The following TRMT1L variants were observed in gnomAD, a reference collection of about 807,000 sequenced individuals.
TRMT1L encodes tRNA methyltransferase 1L.
In TRMT1L, 28 loss-of-function variants were observed where a neutral mutation model predicts 81.6. The observed-to-expected ratio is 0.34, with a 90% CI of 0.25 to 0.47. TRMT1L has a LOEUF of 0.47. Ranked by LOEUF, TRMT1L falls within the 20% of genes least tolerant of loss-of-function variation. The probability of loss-of-function intolerance (pLI) is 1.00; values close to 1 mark genes in which losing one functional copy is unlikely to be tolerated. For missense variants in TRMT1L, 739 were observed against 877.1 expected (o/e 0.84, Z 1.99); for synonymous variants, 301 against 303.2 (o/e 0.99, Z 0.07).
chr1:185,145,134 C>A (rs1223076391), intron 5 of TRMT1L, among the ~76,000 whole-genome samples: 1 of 151,768 alleles, frequency 6.6e-6, no homozygotes, highest in African/African-American at 2.4e-5. Context: ...ACAATACATA[C>A]ATGACAGTTA....
At chr1:185,147,470 A>G (rs1653220814) in intron 3 of TRMT1L, among the ~76,000 whole-genome samples, 1 of 152,140 alleles carries the variant, frequency 6.6e-6, no homozygotes, top group Non-Finnish European at 1.5e-5. Context: ...ATACAGAGGG[A>G]TCCAGGTTTG....
chr1:185,156,706 T>G lies in TRMT1L; in HGVS notation c.7A>C (p.Asn3His). Reference sequence around the variant, plus strand: ...GGCAGCAGCTCCTCCTCCGCCATATTCTCCATAGTTACCGCCTCCGTGCCA... The same window carrying G: ...GGCAGCAGCTCCTCCTCCGCCATATGCTCCATAGTTACCGCCTCCGTGCCA... ME[N>H]MAEEELLPLE... The change falls in exon 1 of 15, where the codon AAT becomes CAT. Residue 3 changes from asparagine (N) to histidine (H), a missense_variant. Physicochemically the swap from Asn to His is moderately conservative, Grantham distance 68. This residue lies in a region of TRMT1L where 209 missense variants were observed against 165.4 expected (regional missense o/e 1.26). Coordinates refer to ENST00000367506, the MANE Select transcript of TRMT1L (RefSeq NM_030934.5). The G allele has an allele frequency of 1.9e-6, 3 of 1,612,406 alleles. No individual in the cohort carries two copies. The highest frequency in any genetic ancestry group is 2.5e-6 in the Non-Finnish European group (3 of 1,179,718).
chr1:185,156,821 C>A lies in TRMT1L; in HGVS notation c.-109G>T. The A allele has an allele frequency of 6.9e-7, 1 of 1,454,854 alleles. No homozygotes were observed. Among genetic ancestry groups the A allele is most frequent in the Non-Finnish European group, 9.2e-7 (1 of 1,084,004 alleles). The allele number at this position is 1,454,854 out of a possible 1,614,324, so 90.1% of individuals were successfully genotyped here. A position where few individuals can be genotyped will look rare whatever the true frequency, so the allele number is the denominator to read the frequency against. On this transcript the variant is annotated 5_prime_UTR_variant, in exon 1 of 15. Transcript: ENST00000367506. ...GGGCTGGATCCAAGGAGTGGGGAAG[C>A]AAGTGGGGAGGGCGGGATGCGTGCA...
chr1:185,134,497 T>A (rs776946553), intron 10 of TRMT1L, among the ~76,000 whole-genome samples: 2 of 152,250 alleles, frequency 1.3e-5, no homozygotes, highest in Non-Finnish European at 2.9e-5. Flanking sequence ...ATTTGACTTT[T>A]TAAACTATGT....
intron 1 of TRMT1L, among the ~76,000 whole-genome samples, chr1:185,154,278 C>G (rs1653436633): frequency 1.3e-5 from 2 of 152,192 alleles, no homozygotes; most frequent in African/African-American, 4.8e-5. Context: ...ACTGCAGCCT[C>G]AAACTCCTGG....
In TRMT1L at chr1:185,145,493, C is replaced by A; in HGVS notation, c.601G>T (p.Gly201Ter). The A allele has an allele frequency of 6.2e-7, 1 of 1,612,032 alleles. No homozygotes were observed. Among genetic ancestry groups the A allele is most frequent in the Non-Finnish European group, 8.5e-7 (1 of 1,178,634 alleles). ...TTATTCATGTGGCGCCTAACATGTC[C>A]TAGCATATCAGTTCTTCTGGTGATT... ...ATITRRTDML[G>*]HVRRHMNKGE... The change falls in exon 5 of 15, where the codon GGA becomes TGA. Residue 201 changes from glycine (G) to a stop codon, truncating the protein, a stop_gained. Coordinates refer to ENST00000367506, the MANE Select transcript of TRMT1L (RefSeq NM_030934.5). LOFTEE classifies it high-confidence loss of function.
At chr1:185,140,796 T>G (rs1653016820) in intron 7 of TRMT1L, among the ~76,000 whole-genome samples, 2 of 151,436 alleles carry the variant, frequency 1.3e-5, no homozygotes, top group South Asian at 2.1e-4. Flanking sequence ...TTGGGCAACA[T>G]AGCAAATCCC....
At position 185,156,921 on chromosome 1, in the gene TRMT1L, T is replaced by C. The variant is rs371491095; in HGVS notation, c.-209A>G. The stretch of plus-strand genomic sequence containing the variant: ...GAAAGCCAGAGGCAGCGATTCCAGA[T>C]GCCCGTCCGCTTCCCTTTCCCCGAG... On this transcript the variant is annotated 5_prime_UTR_variant, in exon 1 of 15. Coordinates refer to ENST00000367506, the MANE Select transcript of TRMT1L (RefSeq NM_030934.5). 6.8e-5 allele frequency: 44 copies of C among 648,936 alleles called. No individual in the cohort carries two copies. Among genetic ancestry groups the C allele is most frequent in the East Asian group, 6.3e-4 (19 of 30,294 alleles). The allele number at this position is 648,936 out of a possible 1,614,324, so 40.2% of individuals were successfully genotyped here.
chr1:185,122,043 G>A (rs1211865091), intron 13 of TRMT1L, among the ~76,000 whole-genome samples: 2 of 152,066 alleles, frequency 1.3e-5, no homozygotes, highest in Non-Finnish European at 1.5e-5. Context: ...TGGGGCTTTG[G>A]TTTTCTGTTC....
chr1:185,126,141 G>C (rs1030365687), intron 11 of TRMT1L, among the ~76,000 whole-genome samples: 1 of 152,146 alleles, frequency 6.6e-6, no homozygotes, highest in Non-Finnish European at 1.5e-5. Flanking sequence ...ATGCTGCCCA[G>C]GCTGAACTTG....
At chr1:185,136,951 C>T (rs1175797102) in intron 10 of TRMT1L, among the ~76,000 whole-genome samples, 1 of 151,784 alleles carries the variant, frequency 6.6e-6, no homozygotes, top group Non-Finnish European at 1.5e-5. Flanking sequence ...ATCCAGACTA[C>T]ATAAACATTC....
Position 185,156,825 on chromosome 1 carries a change from T to C in TRMT1L, c.-113A>G. ...TGGATCCAAGGAGTGGGGAAGCAAG[T>C]GGGGAGGGCGGGATGCGTGCAACAG... On this transcript the variant is annotated 5_prime_UTR_variant, in exon 1 of 15. Coordinates refer to ENST00000367506, the MANE Select transcript of TRMT1L (RefSeq NM_030934.5). The C allele has an allele frequency of 1.4e-6, 2 of 1,429,236 alleles. No homozygotes were observed. The highest frequency in any genetic ancestry group is 2.6e-5 in the South Asian group (2 of 75,876). The allele number at this position is 1,429,236 out of a possible 1,614,324, so 88.5% of individuals were successfully genotyped here. A position where few individuals can be genotyped will look rare whatever the true frequency, so the allele number is the denominator to read the frequency against.
chr1:185,137,443 C>G (rs185346954), intron 10 of TRMT1L, 163 bp downstream of exon 10: 1 of 756,044 alleles, frequency 1.3e-6, no homozygotes, highest in East Asian at 2.7e-5. Flanking sequence ...TAAACTCACA[C>G]GAATGTCTTG....
intron 11 of TRMT1L, among the ~76,000 whole-genome samples, chr1:185,125,997 G>A (rs550639044): frequency 2.6e-5 from 4 of 152,152 alleles, no homozygotes; most frequent in African/African-American, 9.7e-5. Flanking sequence ...AATCTGATAT[G>A]CTTCCCATTT....
Position 185,120,194 on chromosome 1 carries a change from C to T in TRMT1L, c.2027G>A (p.Arg676His), listed in dbSNP as rs764389177. 7 of 1,612,930 alleles carry T rather than the reference C, an allele frequency of 4.3e-6. No individual in the cohort carries two copies. Among genetic ancestry groups the T allele is most frequent in the Non-Finnish European group, 5.9e-6 (7 of 1,179,192 alleles). The change falls in exon 15 of 15, where the codon CGC becomes CAC. Residue 676 changes from arginine to histidine, a missense_variant. Physicochemically the swap from Arg to His is conservative, Grantham distance 29. Coordinates refer to ENST00000367506, the MANE Select transcript of TRMT1L (RefSeq NM_030934.5). ...AAACTGCATCAGAGGTGCATCTGTG[C>T]GTACACCCATTGGGTCAAAATGAGT... ...SRTHFDPMGV[R>H]TDAPLMQFKS...
At chr1:185,125,167 G>T in intron 11 of TRMT1L, 57 bp from the exon 12 acceptor site, 1 of 1,358,916 alleles carries the variant, frequency 7.4e-7, no homozygotes, top group African/African-American at 1.5e-5. Context: ...TCTTTAAAAA[G>T]AAAGTCTTCA....
chr1:185,124,705 A>C (rs1652579664), intron 12 of TRMT1L: 1 of 251,322 alleles, frequency 4.0e-6, no homozygotes, highest in Non-Finnish European at 7.4e-6. Flanking sequence ...CCAAAAAAAA[A>C]ACAACAAAAC....
chr1:185,128,172 C>T (rs908143453), intron 11 of TRMT1L, among the ~76,000 whole-genome samples: 1 of 152,088 alleles, frequency 6.6e-6, no homozygotes, highest in African/African-American at 2.4e-5. Flanking sequence ...CAGCTGTTAC[C>T]AATGATGCAA....
At chr1:185,139,171 A>G (rs1652973351) in intron 9 of TRMT1L, among the ~76,000 whole-genome samples, 196 bp downstream of exon 9, 1 of 152,260 alleles carries the variant, frequency 6.6e-6, no homozygotes, top group Non-Finnish European at 1.5e-5. Context: ...ATTGGAGAGT[A>G]AACTGAATAT....
Sources: allele counts gnomAD v4.1 joint callset (sites outside exome capture counted in the v4.1 genomes callset), GRCh38; gene constraint gnomAD v4.1.1; regional missense constraint gnomAD v4.1.1; transcripts MANE v1.5; gene names NCBI Gene and HGNC (gene_info 2026-07-23, HGNC 2026-07-21).